Variants in SLCO1C1 observed in about 807,000 individuals in gnomAD.
SLCO1C1 encodes solute carrier organic anion transporter family member 1C1, also known as OAT-RP-5.
A neutral mutation model predicts 76.4 loss-of-function variants in SLCO1C1; 70 were observed. The ratio of observed to expected loss-of-function variants is 0.92; its 90% CI spans 0.76 to 1.12. The LOEUF is 1.12. Among genes scored for constraint, SLCO1C1 ranks in the 50% most tolerant of loss-of-function variants. SLCO1C1 has a pLI of 0.00. For synonymous variants in SLCO1C1, 306 were observed against 286.1 expected (o/e 1.07, Z -0.70); for missense variants, 912 against 823.8 (o/e 1.11, Z -1.31).
At chr12:20,723,387 A>C (rs1249030501) in intron 9 of SLCO1C1, 133 bp downstream of exon 9, 9 of 1,084,640 alleles carry the variant, frequency 8.3e-6, no homozygotes, top group Non-Finnish European at 1.2e-5. Context: ...AAAAAGTAAC[A>C]AGAATGTTGT....
intron 11 of SLCO1C1, among the ~76,000 whole-genome samples, chr12:20,739,578 A>C (rs951832924): frequency 6.6e-6 from 1 of 152,118 alleles, no homozygotes; most frequent in Non-Finnish European, 1.5e-5. Context: ...GAAAGGGCAA[A>C]ATGGGGCCTT....
At chr12:20,704,066 G>A (rs965874710) in intron 3 of SLCO1C1, among the ~76,000 whole-genome samples, 3 of 150,984 alleles carry the variant, frequency 2.0e-5, no homozygotes, top group African/African-American at 7.3e-5. Context: ...AAAACTTTCT[G>A]TACCTGTTTT....
chr12:20,723,202 G>A lies in SLCO1C1; in HGVS notation c.1134G>A (p.Lys378=). 1 of 1,614,052 alleles carries A rather than the reference G, an allele frequency of 6.2e-7. No homozygotes were observed. The highest frequency in any genetic ancestry group is 1.1e-5 in the South Asian group (1 of 91,060). The change falls in exon 9 of 15, where the codon AAG becomes AAA. Residue 378 remains lysine (K), a synonymous_variant. Coordinates refer to ENST00000266509, the MANE Select transcript of SLCO1C1 (RefSeq NM_017435.5). ...TCGGCATGGTGACGTACAAACCAAA[G>A]TACATTGAGCAGCAGTATGGACAGT... ...SLFGMVTYKP[K]YIEQQYGQSS... is the part of the protein sequence containing the mutation.
intron 4 of SLCO1C1, among the ~76,000 whole-genome samples, chr12:20,706,791 G>A (rs1434683493): frequency 6.6e-6 from 1 of 152,026 alleles, no homozygotes; most frequent in Non-Finnish European, 1.5e-5. Context: ...CCTAAAACAG[G>A]TCAGCTGACT....
At chr12:20,748,209 C>T (rs776043023) in intron 13 of SLCO1C1, among the ~76,000 whole-genome samples, 1 of 152,008 alleles carries the variant, frequency 6.6e-6, no homozygotes, top group Admixed American at 6.6e-5. Context: ...TTTTTTAATC[C>T]ATAGGCTTTA....
intron 11 of SLCO1C1, among the ~76,000 whole-genome samples, chr12:20,738,886 A>T (rs569807956): frequency 2.0e-5 from 3 of 152,206 alleles, no homozygotes; most frequent in Non-Finnish European, 4.4e-5. Flanking sequence ...GACCAGAATT[A>T]AGATTCAAAG....
At chr12:20,703,478 CATCT>C (rs1240882668) in intron 3 of SLCO1C1, among the ~76,000 whole-genome samples, 5 of 151,870 alleles carry the variant, frequency 3.3e-5, no homozygotes, top group Non-Finnish European at 5.9e-5. Flanking sequence ...TTACAATGGA[CATCT>C]TTCTCTTGTG....
In SLCO1C1 at chr12:20,746,412, T is replaced by G. The variant is rs572845748; in HGVS notation, c.1798+3043T>G. Among the ~76,000 whole-genome samples the G allele has an allele frequency of 1.4e-4, 22 of 152,168 alleles. 1 individual carries two copies. The highest frequency in any genetic ancestry group is 5.1e-4 in the African/African-American group (21 of 41,540). ...TTAACTGTATGTCAAAGTAACCAAA[T>G]TAGTCAATTAAGGAAAATTCCTTCT... On this transcript the variant is annotated intron_variant, in intron 13 of 14. Transcript: ENST00000266509.
At chr12:20,718,889 C>A (rs550282584) in intron 7 of SLCO1C1, among the ~76,000 whole-genome samples, 2 of 152,264 alleles carry the variant, frequency 1.3e-5, no homozygotes, top group East Asian at 3.9e-4. Context: ...AATGCACTCT[C>A]TTTCCTTTAA....
intron 9 of SLCO1C1, among the ~76,000 whole-genome samples, chr12:20,732,168 T>C (rs530423254): frequency 6.6e-6 from 1 of 152,324 alleles, no homozygotes; most frequent in Admixed American, 6.5e-5. Context: ...AATGTACATC[T>C]ATTTATCAAG....
chr12:20,715,113 A>G (rs199913318), intron 5 of SLCO1C1, 26 bp from the exon 6 acceptor site: 5 of 1,613,276 alleles, frequency 3.1e-6, no homozygotes, highest in Non-Finnish European at 4.2e-6. Context: ...TCTATTTTCA[A>G]TCCTCTGGTT....
chr12:20,729,592 G>A (rs1332503304), intron 9 of SLCO1C1, among the ~76,000 whole-genome samples: 2 of 151,812 alleles, frequency 1.3e-5, no homozygotes, highest in Non-Finnish European at 2.9e-5. Flanking sequence ...CAAGTTTTGA[G>A]CCCTGGTGCC....
intron 9 of SLCO1C1, among the ~76,000 whole-genome samples, chr12:20,729,551 C>T (rs1188935129): frequency 6.6e-6 from 1 of 151,800 alleles, no homozygotes; most frequent in Non-Finnish European, 1.5e-5. Context: ...CAAGGAACTC[C>T]TGATGAGCAA....
intron 1 of SLCO1C1, among the ~76,000 whole-genome samples, chr12:20,699,249 A>T (rs571554891): frequency 6.6e-6 from 1 of 152,136 alleles, no homozygotes; most frequent in South Asian, 2.1e-4. Flanking sequence ...CAAGACCACA[A>T]AGTTAGCAAA....
intron 6 of SLCO1C1, among the ~76,000 whole-genome samples, chr12:20,715,886 C>A (rs1003887434): frequency 2.6e-5 from 4 of 152,154 alleles, no homozygotes; most frequent in Non-Finnish European, 4.4e-5. Context: ...AATAATATAG[C>A]AGAGGCAAAG....
At chr12:20,737,392 T>A in intron 11 of SLCO1C1, 120 bp downstream of exon 11, 1 of 1,020,600 alleles carries the variant, frequency 9.8e-7, no homozygotes, top group Non-Finnish European at 1.4e-6. Flanking sequence ...CTCTGCCTGG[T>A]CCTTTTTTGT....
At chr12:20,747,472 A>G (rs1949101464) in intron 13 of SLCO1C1, among the ~76,000 whole-genome samples, 1 of 152,136 alleles carries the variant, frequency 6.6e-6, no homozygotes, top group African/African-American at 2.4e-5. Context: ...TGAAACAGCA[A>G]TGGCAAAACA....
At chr12:20,714,813 A>C (rs1947286638) in intron 5 of SLCO1C1, among the ~76,000 whole-genome samples, 1 of 152,210 alleles carries the variant, frequency 6.6e-6, no homozygotes, top group Admixed American at 6.5e-5. Context: ...TTTGCCCCAG[A>C]TAGATACTGA....
At chr12:20,734,857 TAA>T (rs1423166575) in intron 10 of SLCO1C1, among the ~76,000 whole-genome samples, 2 of 152,212 alleles carry the variant, frequency 1.3e-5, no homozygotes, top group East Asian at 1.9e-4. Context: ...TAAAATATTC[TAA>T]GACTCTTATT....
Sources: gnomAD v4.1 joint callset for allele counts (sites outside exome capture counted in the v4.1 genomes callset) on GRCh38, gnomAD v4.1.1 for gene constraint, MANE v1.5 for transcripts, NCBI Gene and HGNC (gene_info 2026-07-23, HGNC 2026-07-21) for gene names.